Variants in ATP10B observed in about 807,000 individuals in gnomAD.
The protein encoded by ATP10B is ATPase phospholipid transporting 10B (putative).
ATP10B carries 122 observed loss-of-function variants against 141.2 expected under a neutral mutation model. The ratio of observed to expected loss-of-function variants is 0.86; its 90% CI spans 0.75 to 1.00. ATP10B has a LOEUF of 1.00. ATP10B is among the 50% of genes least tolerant of loss of function. The pLI is 0.00. For synonymous variants in ATP10B, 685 were observed against 692.0 expected, an observed-to-expected ratio of 0.99 and a Z score of 0.16; for missense variants, 1,876 against 1,825.3, an observed-to-expected ratio of 1.03 and a Z score of -0.51.
the ATP10B span, among the ~76,000 whole-genome samples, chr5:160,910,713 T>C: frequency 1.3e-5 from 2 of 152,254 alleles, no homozygotes; most frequent in African/African-American, 4.8e-5. Flanking sequence ...CTATATTTAA[T>C]GTGCTTACAA....
intron 22 of ATP10B, among the ~76,000 whole-genome samples, chr5:160,595,211 C>G (rs6860935): frequency 0.7 from 106,720 of 152,000 alleles, 38,779 homozygotes; most frequent in East Asian, 0.84. Flanking sequence ...ACAGTGCAAT[C>G]AAACTAGAAC....
At chr5:160,778,397 T>C (rs186263311) in intron 2 of ATP10B, among the ~76,000 whole-genome samples, 167 of 152,326 alleles carry the variant, frequency 1.1e-3, no homozygotes, top group African/African-American at 3.9e-3. Flanking sequence ...TGACACAAAG[T>C]GAAAGGAAGA....
At chr5:160,888,314 C>T in the ATP10B span, among the ~76,000 whole-genome samples, 12 of 152,274 alleles carry the variant, frequency 7.9e-5, no homozygotes, top group East Asian at 2.3e-3. Flanking sequence ...TAAAAAAATC[C>T]TGAAAATGCA....
chr5:160,885,271 G>A, the ATP10B span, among the ~76,000 whole-genome samples: 2 of 152,106 alleles, frequency 1.3e-5, no homozygotes, highest in African/African-American at 4.8e-5. Context: ...AATAAGGGAA[G>A]CGGATGCAAG....
At chr5:160,798,714 T>C (rs1327426865) in intron 1 of ATP10B, among the ~76,000 whole-genome samples, 4 of 151,040 alleles carry the variant, frequency 2.6e-5, no homozygotes, top group African/African-American at 9.7e-5. Flanking sequence ...AGGAAACTAA[T>C]ACATGGGTCA....
At chr5:160,828,113 G>T (rs1774772467) in intron 1 of ATP10B, among the ~76,000 whole-genome samples, 1 of 152,132 alleles carries the variant, frequency 6.6e-6, no homozygotes, top group Non-Finnish European at 1.5e-5. Flanking sequence ...AACCCTAGAA[G>T]AAAACCTAGG....
intron 2 of ATP10B, among the ~76,000 whole-genome samples, chr5:160,764,313 C>T (rs1190156828): frequency 2.0e-5 from 3 of 152,076 alleles, no homozygotes; most frequent in African/African-American, 7.2e-5. Flanking sequence ...AAATCCTCAA[C>T]AAAATACCAG....
At chr5:160,634,974 G>A (rs899374200) in intron 11 of ATP10B, among the ~76,000 whole-genome samples, 4 of 152,186 alleles carry the variant, frequency 2.6e-5, no homozygotes, top group African/African-American at 9.7e-5. Flanking sequence ...TCTCCCCACT[G>A]ATTCAATATC....
chr5:160,649,064 A>G, intron 8 of ATP10B, 107 bp downstream of exon 8: 1 of 717,798 alleles, frequency 1.4e-6, no homozygotes, highest in Non-Finnish European at 2.3e-6. Flanking sequence ...ACACACAAAT[A>G]AAATTCCTCA....
chr5:160,804,844 G>A (rs1772663437), intron 1 of ATP10B, among the ~76,000 whole-genome samples: 1 of 152,170 alleles, frequency 6.6e-6, no homozygotes, highest in South Asian at 2.1e-4. Flanking sequence ...AAGGCTAGTT[G>A]GATTACAGCT....
intron 25 of ATP10B, among the ~76,000 whole-genome samples, chr5:160,568,338 G>A (rs1019418377): frequency 6.6e-6 from 1 of 152,102 alleles, no homozygotes; most frequent in East Asian, 1.9e-4. Context: ...AGAGAACCTA[G>A]GGGCAAGAGA....
At position 160,636,170 on chromosome 5, in the gene ATP10B, AG is replaced by A; in HGVS notation, c.1128+11del. 1 of 1,588,092 alleles carries A rather than the reference AG, an allele frequency of 6.3e-7. No individual in the cohort carries two copies. Among genetic ancestry groups the A allele is most frequent in the Non-Finnish European group, 8.6e-7 (1 of 1,168,336 alleles). ...TATCTTATTGGGCCCCTAGTTAGGG[AG>A]GGCTTCCTACCTGGAGCAGGATGAT... On this transcript the variant is annotated intron_variant, in intron 11 of 25. Coordinates refer to ENST00000327245, the MANE Select transcript of ATP10B (RefSeq NM_025153.3).
At chr5:160,887,788 C>G in the ATP10B span, among the ~76,000 whole-genome samples, 1 of 152,166 alleles carries the variant, frequency 6.6e-6, no homozygotes, top group African/African-American at 2.4e-5. Context: ...GATACAGGTC[C>G]TTGTCAAGGG....
At chr5:160,725,746 A>G (rs988747801) in intron 2 of ATP10B, among the ~76,000 whole-genome samples, 3 of 152,128 alleles carry the variant, frequency 2.0e-5, no homozygotes, top group Admixed American at 6.5e-5. Context: ...CGCCCGGCCT[A>G]CTATGGGATT....
chr5:160,866,709 A>G, the ATP10B span, among the ~76,000 whole-genome samples: 1 of 152,024 alleles, frequency 6.6e-6, no homozygotes, highest in Non-Finnish European at 1.5e-5. Flanking sequence ...AACAAAATAA[A>G]TGATATAATA....
At chr5:160,577,124 G>A (rs1755242446) in intron 24 of ATP10B, among the ~76,000 whole-genome samples, 1 of 152,224 alleles carries the variant, frequency 6.6e-6, no homozygotes. Flanking sequence ...AACTGCAAGT[G>A]ACAGTGTGCC....
At chr5:160,789,450 T>C (rs1771410281) in intron 1 of ATP10B, among the ~76,000 whole-genome samples, 1 of 152,148 alleles carries the variant, frequency 6.6e-6, no homozygotes, top group African/African-American at 2.4e-5. Context: ...CTAAATACTG[T>C]AGGTCATTGT....
chr5:160,647,091 G>T (rs1760339141), intron 8 of ATP10B, among the ~76,000 whole-genome samples: 1 of 152,190 alleles, frequency 6.6e-6, no homozygotes, highest in South Asian at 2.1e-4. Flanking sequence ...GAGAACCACT[G>T]CTCTGTAGAG....
chr5:160,576,920 G>A (rs1376845624), intron 24 of ATP10B, among the ~76,000 whole-genome samples: 2 of 152,170 alleles, frequency 1.3e-5, no homozygotes, highest in African/African-American at 2.4e-5. Flanking sequence ...GGAGAGGTAA[G>A]TATCATAGGT....
Sources: allele counts gnomAD v4.1 joint callset (sites outside exome capture counted in the v4.1 genomes callset), GRCh38; gene constraint gnomAD v4.1.1; transcripts MANE v1.5; gene names NCBI Gene and HGNC (gene_info 2026-07-23, HGNC 2026-07-21).